Variants in SORBS2 observed in about 807,000 individuals in gnomAD.
SORBS2 encodes the protein sorbin and SH3 domain containing 2.
In SORBS2, 46 loss-of-function variants were observed where a neutral mutation model predicts 97.7. The observed-to-expected ratio is 0.47, with a 90% CI of 0.37 to 0.60. The LOEUF (loss-of-function observed/expected upper bound fraction) is 0.60, where lower values mean the gene tolerates loss of function less well. SORBS2 is among the 20% of genes least tolerant of loss of function. The pLI, the probability that SORBS2 is intolerant of heterozygous loss-of-function variation, is 0.00. For synonymous variants in SORBS2, 476 were observed against 473.4 expected (o/e 1.01, Z -0.07); for missense variants, 1,316 against 1,282.3 (o/e 1.03, Z -0.40).
chr4:185,714,644 GC>G (rs201730500), intron 2 of SORBS2, among the ~76,000 whole-genome samples: 1,758 of 152,284 alleles, frequency 0.012, 41 homozygotes, highest in African/African-American at 0.041. Flanking sequence ...GGCTGGGGAG[GC>G]CTCACCGTCA....
rs1203839618 is a variant in SORBS2 at position 185,638,863 on chromosome 4, A to G, written c.396+7805T>C. 8 of 1,449,612 alleles carry G rather than the reference A, an allele frequency of 5.5e-6. No individual in the cohort carries two copies. In the East Asian group the frequency reaches 2.0e-4, roughly 37 times the overall value. The allele number at this position is 1,449,612 out of a possible 1,614,324, so 89.8% of individuals were successfully genotyped here. ...TGCCGGGCATGAAGAAAGGTAAGGA[A>G]GGAAGGAGCTCACCCGGGTGGGAGA... On this transcript the variant is annotated intron_variant, in intron 4 of 14. Transcript: ENST00000418609.
intron 1 of SORBS2, among the ~76,000 whole-genome samples, chr4:185,898,680 T>C (rs2099246135): frequency 6.6e-6 from 1 of 152,060 alleles, no homozygotes; most frequent in African/African-American, 2.4e-5. Context: ...GGGAAAAAAA[T>C]TGAAGAAGTA....
At chr4:185,806,391 T>C (rs985596832) in intron 1 of SORBS2, among the ~76,000 whole-genome samples, 1 of 151,092 alleles carries the variant, frequency 6.6e-6, no homozygotes, top group African/African-American at 2.4e-5. Context: ...ATGCTTGTAC[T>C]CTTAGAGGAT....
chr4:185,858,203 A>C (rs1178458751), intron 1 of SORBS2, among the ~76,000 whole-genome samples: 1 of 152,172 alleles, frequency 6.6e-6, no homozygotes, highest in Non-Finnish European at 1.5e-5. Context: ...AAAATAGAAA[A>C]GAACCTACGT....
intron 14 of SORBS2, 41 bp from the exon 27 acceptor site, chr4:185,587,729 T>C (rs1170640904): frequency 1.4e-6 from 2 of 1,460,688 alleles, no homozygotes; most frequent in South Asian, 1.1e-5. Context: ...GTGACAACGA[T>C]ATCAGTTCAT....
At chr4:185,718,642 G>A (rs1011608931) in intron 2 of SORBS2, among the ~76,000 whole-genome samples, 2 of 152,184 alleles carry the variant, frequency 1.3e-5, no homozygotes, top group Non-Finnish European at 2.9e-5. Flanking sequence ...GGACACCTAT[G>A]TTTATTCCAC....
At chr4:185,899,439 A>AT (rs556709768) in intron 1 of SORBS2, among the ~76,000 whole-genome samples, 41 of 151,842 alleles carry the variant, frequency 2.7e-4, no homozygotes, top group African/African-American at 7.7e-4. Flanking sequence ...GTTTATTTTT[A>AT]TTTTTTTTAA....
In SORBS2 at chr4:185,868,532, G is replaced by A. The variant is rs150309050; in HGVS notation, c.-338+87664C>T. Among the ~76,000 whole-genome samples, 680 of 152,126 alleles carry A rather than the reference G, an allele frequency of 4.5e-3. 5 individuals are homozygous for A. Among genetic ancestry groups the A allele is most frequent in the African/African-American group, 0.015 (641 of 41,492 alleles). On this transcript the variant is annotated intron_variant, in intron 1 of 20. Transcript: ENST00000284776. ...AGGGATTAGTGCTAGGTTGAGGGGC[G>A]TGGAGGGAAAAAACGAAGACGACAC...
chr4:185,879,176 C>CCGCCA (rs1491475757), intron 1 of SORBS2, among the ~76,000 whole-genome samples: 2 of 85,186 alleles, frequency 2.3e-5, no homozygotes, highest in Non-Finnish European at 4.7e-5. Context: ...CCCCCCCCCC[C>CCGCCA]ACCCCACGAC....
intron 12 of SORBS2, among the ~76,000 whole-genome samples, chr4:185,603,386 C>G (rs950277565): frequency 6.6e-5 from 10 of 151,098 alleles, no homozygotes; most frequent in African/African-American, 2.5e-4. Flanking sequence ...TTTCTGCCAG[C>G]TAAGAAAAAA....
chr4:185,768,559 C>T (rs897815284), intron 2 of SORBS2, among the ~76,000 whole-genome samples: 29 of 151,974 alleles, frequency 1.9e-4, no homozygotes, highest in Middle Eastern at 3.4e-3. Flanking sequence ...AATTAGCTTG[C>T]GTGGTGACAC....
At chr4:185,662,170 G>C (rs1237853460) in exon 5 of SORBS2, 1 of 1,614,082 alleles carries the variant, frequency 6.2e-7, no homozygotes, top group East Asian at 2.2e-5. Context: ...TATGCCGAGG[G>C]GGAAAACGGC....
At chr4:185,908,778 T>A (rs941446121) in intron 1 of SORBS2, among the ~76,000 whole-genome samples, 3 of 152,098 alleles carry the variant, frequency 2.0e-5, no homozygotes, top group African/African-American at 7.2e-5. Context: ...ATGGAGGCTC[T>A]GTTCTATCAA....
chr4:185,860,114 A>C (rs999288565), intron 1 of SORBS2, among the ~76,000 whole-genome samples: 2 of 152,352 alleles, frequency 1.3e-5, no homozygotes, highest in Admixed American at 1.3e-4. Context: ...ACTACATACG[A>C]AAAAGGATCA....
chr4:185,904,591 T>C (rs563010038), intron 1 of SORBS2, among the ~76,000 whole-genome samples: 1 of 152,214 alleles, frequency 6.6e-6, no homozygotes, highest in Non-Finnish European at 1.5e-5. Flanking sequence ...GCTGATTAGA[T>C]AAATAACAGT....
intron 2 of SORBS2, among the ~76,000 whole-genome samples, chr4:185,765,101 A>T (rs1036573038): frequency 7.9e-5 from 12 of 152,180 alleles, no homozygotes; most frequent in African/African-American, 2.7e-4. Context: ...TTAAACCACA[A>T]AACTCATATG....
chr4:185,797,309 C>T (rs2099109521), intron 1 of SORBS2, among the ~76,000 whole-genome samples: 2 of 152,214 alleles, frequency 1.3e-5, no homozygotes, highest in Admixed American at 6.5e-5. Context: ...CCAAGTTTTC[C>T]TCTTGTCGAA....
At chr4:185,677,137 T>C (rs561032602) in intron 4 of SORBS2, 4 of 1,551,698 alleles carry the variant, frequency 2.6e-6, no homozygotes, top group South Asian at 1.2e-5. Context: ...AGGGGAGCTA[T>C]CTGAATGGAA....
At chr4:185,650,403 G>C (rs562296415) in intron 2 of SORBS2, among the ~76,000 whole-genome samples, 1 of 152,070 alleles carries the variant, frequency 6.6e-6, no homozygotes, top group Non-Finnish European at 1.5e-5. Context: ...TAGAAAAAAA[G>C]GCAGAAAAGT....
Sources: gnomAD v4.1 joint callset for allele counts (sites outside exome capture counted in the v4.1 genomes callset) on GRCh38, gnomAD v4.1.1 for gene constraint, MANE v1.5 for transcripts, NCBI Gene and HGNC (gene_info 2026-07-23, HGNC 2026-07-21) for gene names.